The following ZNF385D variants were observed in gnomAD, a reference collection of about 807,000 sequenced individuals.
ZNF385D encodes the protein zinc finger protein 385D.
Under a neutral mutation model 35.8 loss-of-function variants are expected in ZNF385D, and 15 were observed. That is an observed-to-expected ratio of 0.42 (90% CI 0.28 to 0.64). The LOEUF is 0.64. ZNF385D is among the 30% of genes least tolerant of loss of function. The pLI is 0.23. For synonymous variants in ZNF385D, 212 were observed against 186.8 expected (o/e 1.13, Z -1.10); for missense variants, 474 against 494.6 (o/e 0.96, Z 0.39).
At chr3:21,843,118 T>A (rs746839334) in intron 3 of ZNF385D, among the ~76,000 whole-genome samples, 1 of 151,998 alleles carries the variant, frequency 6.6e-6, no homozygotes, top group Non-Finnish European at 1.5e-5. Context: ...TCTTAGATAA[T>A]TGCAAGAGAA....
chr3:21,752,293 A>C (rs2070140342), upstream of ZNF385D, among the ~76,000 whole-genome samples: 1 of 152,198 alleles, frequency 6.6e-6, no homozygotes, highest in South Asian at 2.1e-4. Context: ...TGAACTTATA[A>C]ATTTCTATAG....
At chr3:22,281,774 T>C (rs1701755325) in intron 2 of ZNF385D, among the ~76,000 whole-genome samples, 1 of 152,124 alleles carries the variant, frequency 6.6e-6, no homozygotes, top group African/African-American at 2.4e-5. Flanking sequence ...TTAGGAAGGA[T>C]TCCCTCTTTC....
intron 2 of ZNF385D, among the ~76,000 whole-genome samples, chr3:22,175,481 T>C (rs781238416): frequency 1.4e-4 from 21 of 152,010 alleles, no homozygotes; most frequent in Non-Finnish European, 2.2e-4. Context: ...ATTAGGTGAT[T>C]TGAAAGGTGG....
chr3:22,107,265 T>G (rs1218337720), intron 3 of ZNF385D, among the ~76,000 whole-genome samples: 1 of 151,946 alleles, frequency 6.6e-6, no homozygotes, highest in East Asian at 1.9e-4. Context: ...TCAGGTGATT[T>G]GCCTGCCTTG....
intron 3 of ZNF385D, among the ~76,000 whole-genome samples, chr3:21,827,796 T>C (rs941354389): frequency 3.3e-5 from 5 of 152,358 alleles, no homozygotes; most frequent in Admixed American, 2.6e-4. Flanking sequence ...TGGTTCTTCA[T>C]TCAAATGCAG....
intron 3 of ZNF385D, among the ~76,000 whole-genome samples, chr3:21,774,418 C>G (rs1233830861): frequency 6.6e-6 from 1 of 151,722 alleles, no homozygotes; most frequent in Non-Finnish European, 1.5e-5. Flanking sequence ...ACACATGTAC[C>G]CCCAAATTTA....
chr3:21,496,838 A>G (rs912196192), intron 4 of ZNF385D, among the ~76,000 whole-genome samples: 1 of 152,126 alleles, frequency 6.6e-6, no homozygotes, highest in African/African-American at 2.4e-5. Flanking sequence ...GACTTTCAAT[A>G]AAATTTAACA....
chr3:22,249,082 C>T (rs1699935569), intron 2 of ZNF385D, among the ~76,000 whole-genome samples: 1 of 152,086 alleles, frequency 6.6e-6, no homozygotes, highest in African/African-American at 2.4e-5. Context: ...GGCATTCTAC[C>T]CACTTCCAGC....
chr3:22,237,251 C>T (rs750620012), intron 2 of ZNF385D, among the ~76,000 whole-genome samples: 1 of 152,046 alleles, frequency 6.6e-6, no homozygotes, highest in Admixed American at 6.6e-5. Context: ...TATAATAGTA[C>T]TGACTTCCAT....
At chr3:22,329,507 T>C (rs1050354727) in intron 2 of ZNF385D, among the ~76,000 whole-genome samples, 1 of 151,406 alleles carries the variant, frequency 6.6e-6, no homozygotes, top group South Asian at 2.1e-4. Context: ...ACTTACTTTA[T>C]TTATCTTAAA....
At chr3:22,039,452 C>G (rs1331740463) in intron 3 of ZNF385D, among the ~76,000 whole-genome samples, 1 of 152,028 alleles carries the variant, frequency 6.6e-6, no homozygotes, top group African/African-American at 2.4e-5. Flanking sequence ...CCTTATCTTC[C>G]TGTCTCCAGT....
chr3:21,863,018 A>T (rs1236919504), intron 3 of ZNF385D, among the ~76,000 whole-genome samples: 1 of 152,150 alleles, frequency 6.6e-6, no homozygotes, highest in Admixed American at 6.6e-5. Context: ...ATATGTGAAA[A>T]TATATGCAAA....
intron 3 of ZNF385D, among the ~76,000 whole-genome samples, chr3:22,106,157 C>T (rs569302167): frequency 3.3e-5 from 5 of 152,208 alleles, no homozygotes; most frequent in African/African-American, 1.2e-4. Flanking sequence ...CAAAAATCTC[C>T]ATGGGATGTT....
At chr3:22,346,085 A>G (rs1695646632) in intron 2 of ZNF385D, among the ~76,000 whole-genome samples, 1 of 152,160 alleles carries the variant, frequency 6.6e-6, no homozygotes, top group South Asian at 2.1e-4. Flanking sequence ...ATGAGCTGAA[A>G]ATGGAAATTG....
chr3:21,733,461 T>C lies in ZNF385D; in HGVS notation c.22+17434A>G, dbSNP rs149373381. ...TTAGTTGTTTATCTTTCTTTATTGATTCTTATAAGCTCTTTGTTAATGAAT... is the reference window on the plus strand; with the variant it reads ...TTAGTTGTTTATCTTTCTTTATTGACTCTTATAAGCTCTTTGTTAATGAAT... On this transcript the variant is annotated intron_variant, in intron 1 of 7. Transcript: ENST00000281523. 5.7e-3 allele frequency among the ~76,000 whole-genome samples: 872 copies of C among 152,324 alleles called. 10 individuals are homozygous for C. The highest frequency in any genetic ancestry group is 0.019 in the African/African-American group (800 of 41,588).
At chr3:21,828,632 G>A (rs1694803498) in intron 3 of ZNF385D, among the ~76,000 whole-genome samples, 1 of 152,208 alleles carries the variant, frequency 6.6e-6, no homozygotes, top group African/African-American at 2.4e-5. Flanking sequence ...GGATTCAGCA[G>A]AGAACAGAAA....
chr3:21,493,243 T>G (rs949888879), intron 4 of ZNF385D, among the ~76,000 whole-genome samples: 1 of 152,086 alleles, frequency 6.6e-6, no homozygotes, highest in African/African-American at 2.4e-5. Flanking sequence ...ATTTAGCAAA[T>G]GAGAGATTTA....
chr3:22,147,129 TA>T (rs1704910963), intron 3 of ZNF385D, among the ~76,000 whole-genome samples: 1 of 152,202 alleles, frequency 6.6e-6, no homozygotes, highest in Admixed American at 6.5e-5. Context: ...ACCAAATAAA[TA>T]ATTTAGAACA....
intron 3 of ZNF385D, among the ~76,000 whole-genome samples, chr3:22,050,739 T>A (rs74330072): frequency 2.0e-5 from 3 of 152,346 alleles, no homozygotes; most frequent in East Asian, 3.9e-4. Context: ...TTATATTAAT[T>A]CATTGTGTAT....
Sources: gnomAD v4.1 joint callset for allele counts (sites outside exome capture counted in the v4.1 genomes callset) on GRCh38, gnomAD v4.1.1 for gene constraint, MANE v1.5 for transcripts, NCBI Gene and HGNC (gene_info 2026-07-23, HGNC 2026-07-21) for gene names.